CNTNAP4: variants seen among roughly 807,000 people sequenced by gnomAD.
CNTNAP4 encodes contactin-associated protein-like 4.
In CNTNAP4, 98 loss-of-function variants were observed where a neutral mutation model predicts 148.4. The ratio of observed to expected loss-of-function variants is 0.66; its 90% CI spans 0.56 to 0.78. The LOEUF is 0.78. Among genes scored for constraint, CNTNAP4 ranks in the 30% least tolerant of loss-of-function variants. The pLI is 0.00. For missense variants in CNTNAP4, 1,935 were observed against 1,565.6 expected (o/e 1.24, Z -3.98); for synonymous variants, 730 against 565.1 (o/e 1.29, Z -4.14).
chr16:76,283,208 A>G lies in CNTNAP4; in HGVS notation c.85+5461A>G, dbSNP rs148496955. 2.9e-3 allele frequency among the ~76,000 whole-genome samples: 439 copies of G among 152,108 alleles called. 1 individual carries two copies. The highest frequency in any genetic ancestry group is 0.01 in the African/African-American group (424 of 41,544). On this transcript the variant is annotated intron_variant, in intron 1 of 23. Transcript: ENST00000611870. ...CTACAAATACCGATTTTTCTTGTTTAAATACTATGTTTAAAATTTAAAGCT... is the reference window on the plus strand; with the variant it reads ...CTACAAATACCGATTTTTCTTGTTTGAATACTATGTTTAAAATTTAAAGCT...
intron 12 of CNTNAP4, among the ~76,000 whole-genome samples, chr16:76,480,259 C>T (rs1300139316): frequency 6.6e-6 from 1 of 152,070 alleles, no homozygotes; most frequent in Non-Finnish European, 1.5e-5. Flanking sequence ...TTAGGATTGT[C>T]ATTGAACAAC....
intron 3 of CNTNAP4, among the ~76,000 whole-genome samples, chr16:76,414,959 G>GT (rs71272459): frequency 0.42 from 63,227 of 149,846 alleles, 13,695 homozygotes; most frequent in Middle Eastern, 0.5. Context: ...ACCAACTTGT[G>GT]TTTTTTTTCC....
At chr16:76,483,967 G>A (rs929386884) in intron 12 of CNTNAP4, among the ~76,000 whole-genome samples, 2 of 151,960 alleles carry the variant, frequency 1.3e-5, no homozygotes, top group African/African-American at 2.4e-5. Flanking sequence ...TAGGCCATAT[G>A]TATTTTTTAT....
chr16:76,455,176 C>T (rs983193374), intron 8 of CNTNAP4, among the ~76,000 whole-genome samples: 6 of 152,138 alleles, frequency 3.9e-5, no homozygotes, highest in Non-Finnish European at 8.8e-5. Context: ...TCGTTGCCAC[C>T]TTTATAAATG....
chr16:76,335,310 T>A (rs1046337725), intron 2 of CNTNAP4, among the ~76,000 whole-genome samples: 2 of 152,078 alleles, frequency 1.3e-5, no homozygotes, highest in African/African-American at 4.8e-5. Context: ...AGACACAATA[T>A]CTCTGCAAAC....
chr16:76,539,598 G>T (rs1395468599), intron 19 of CNTNAP4, 121 bp from the exon 20 acceptor site: 2 of 784,914 alleles, frequency 2.5e-6, no homozygotes, highest in East Asian at 2.9e-5. Context: ...TTATAAAAAG[G>T]TATCTTCCAA....
At chr16:76,357,880 A>G (rs1159670985) in intron 3 of CNTNAP4, among the ~76,000 whole-genome samples, 2 of 152,178 alleles carry the variant, frequency 1.3e-5, no homozygotes, top group Admixed American at 6.5e-5. Flanking sequence ...TTCTTTTTCT[A>G]GTCTTAGCAT....
At chr16:76,331,375 A>G (rs111726810) in intron 2 of CNTNAP4, among the ~76,000 whole-genome samples, 111 of 151,916 alleles carry the variant, frequency 7.3e-4, no homozygotes, top group African/African-American at 2.6e-3. Context: ...TTTTTAGTAG[A>G]GGCAGGGTTT....
At chr16:76,305,958 G>T (rs999690713) in intron 1 of CNTNAP4, among the ~76,000 whole-genome samples, 3 of 152,120 alleles carry the variant, frequency 2.0e-5, no homozygotes, top group Non-Finnish European at 1.5e-5. Context: ...ATGGCTTCCA[G>T]CTTCATCTGT....
intron 7 of CNTNAP4, among the ~76,000 whole-genome samples, chr16:76,452,072 T>C (rs990870210): frequency 1.2e-4 from 18 of 151,178 alleles, no homozygotes; most frequent in Middle Eastern, 3.4e-3. Context: ...TTTTTTTTTT[T>C]CCCTAGGTTT....
intron 1 of CNTNAP4, among the ~76,000 whole-genome samples, chr16:76,278,745 C>T (rs1230447867): frequency 6.6e-6 from 1 of 152,192 alleles, no homozygotes; most frequent in Non-Finnish European, 1.5e-5. Context: ...GCTGCTGTAT[C>T]ATCAGGCTTA....
chr16:76,318,518 T>G (rs779181113), intron 2 of CNTNAP4, among the ~76,000 whole-genome samples: 1 of 152,024 alleles, frequency 6.6e-6, no homozygotes, highest in East Asian at 1.9e-4. Context: ...ATTTTAATTA[T>G]CTTTTGCTGG....
chr16:76,439,132 T>C (rs1456367999), intron 4 of CNTNAP4, among the ~76,000 whole-genome samples: 4 of 152,110 alleles, frequency 2.6e-5, no homozygotes, highest in African/African-American at 9.7e-5. Flanking sequence ...GCCAGGTGTG[T>C]TCACTGTAGC....
chr16:76,446,791 G>A (rs901460965), intron 4 of CNTNAP4, among the ~76,000 whole-genome samples: 3 of 152,112 alleles, frequency 2.0e-5, no homozygotes, highest in African/African-American at 7.2e-5. Context: ...CATTTGATGA[G>A]TCTATGCTAT....
At chr16:76,303,116 C>T (rs1034450001) in intron 1 of CNTNAP4, among the ~76,000 whole-genome samples, 1 of 152,162 alleles carries the variant, frequency 6.6e-6, no homozygotes, top group African/African-American at 2.4e-5. Context: ...AAATCAAACA[C>T]AATAATCTTA....
rs1288067155 is a variant in CNTNAP4 at position 76,551,401 on chromosome 16, A to AT, written c.3443-1882_3443-1881insT. 2.7e-3 allele frequency among the ~76,000 whole-genome samples: 302 copies of AT among 110,594 alleles called. 1 individual carries two copies. The highest frequency in any genetic ancestry group is 3.7e-3 in the Admixed American group (41 of 11,066). 72.6% of individuals were successfully genotyped at this position (110,594 alleles called of 152,430 possible). Reference sequence around the variant, plus strand: ...TGACAGAGTGAGAGTCTGTTAAAAAAAAAATATATATATATATATATTAGA... The same window carrying AT: ...TGACAGAGTGAGAGTCTGTTAAAAAATAAAATATATATATATATATATTAGA... On this transcript the variant is annotated intron_variant, in intron 21 of 23. Coordinates refer to ENST00000611870, the MANE Select transcript of CNTNAP4 (RefSeq NM_033401.5).
At position 76,489,748 on chromosome 16, in the gene CNTNAP4, C is replaced by T. The variant is rs777746016; in HGVS notation, c.1945C>T (p.Pro649Ser). 2.5e-6 allele frequency: 4 copies of T among 1,604,394 alleles called. No homozygotes were observed. The highest frequency in any genetic ancestry group is 3.3e-4 in the Middle Eastern group (2 of 6,056). The change falls in exon 13 of 24, where the codon CCA becomes TCA. Residue 649 changes from proline to serine, a missense_variant. Coordinates refer to ENST00000611870, the MANE Select transcript of CNTNAP4 (RefSeq NM_033401.5). ...CTTAACAAGAGTCAGAAATACTAAT[C>T]CAGAGAACCCATATGCTGGGTTTTT... ...SDLTRVRNTN[P>S]ENPYAGFFEY...
intron 15 of CNTNAP4, among the ~76,000 whole-genome samples, chr16:76,499,223 A>C (rs2082531014): frequency 6.7e-6 from 1 of 149,974 alleles, no homozygotes; most frequent in African/African-American, 2.5e-5. Context: ...AAAACTCTTT[A>C]ACTATCTGAA....
chr16:76,398,641 C>T (rs1024952702), intron 3 of CNTNAP4, among the ~76,000 whole-genome samples: 11 of 152,066 alleles, frequency 7.2e-5, no homozygotes, highest in East Asian at 3.9e-4. Flanking sequence ...TGAGGGGTGC[C>T]GTCAAAGAGT....
Sources: gnomAD v4.1 joint callset for allele counts (sites outside exome capture counted in the v4.1 genomes callset) on GRCh38, gnomAD v4.1.1 for gene constraint, MANE v1.5 for transcripts, NCBI Gene and HGNC (gene_info 2026-07-23, HGNC 2026-07-21) for gene names.